Variants in KIAA1217 observed in about 807,000 individuals in gnomAD.
KIAA1217 encodes sickle tail protein homolog.
KIAA1217 carries 88 observed loss-of-function variants against 163.9 expected under a neutral mutation model. The ratio of observed to expected loss-of-function variants is 0.54; its 90% CI spans 0.45 to 0.64. The LOEUF is 0.64. Ranked by LOEUF, KIAA1217 falls within the 30% of genes least tolerant of loss-of-function variation. The pLI is 0.00. For synonymous variants in KIAA1217, 903 were observed against 923.1 expected, an observed-to-expected ratio of 0.98 and a Z score of 0.39; for missense variants, 2,372 against 2,475.0, an observed-to-expected ratio of 0.96 and a Z score of 0.88.
intron 2 of KIAA1217, among the ~76,000 whole-genome samples, chr10:24,265,397 T>C (rs2076141004): frequency 6.6e-6 from 1 of 152,210 alleles, no homozygotes; most frequent in South Asian, 2.1e-4. Flanking sequence ...GTGACTTTCA[T>C]CCTCCTCTTA....
chr10:23,888,187 A>AC (rs889198750), intron 1 of KIAA1217, among the ~76,000 whole-genome samples: 13 of 152,020 alleles, frequency 8.6e-5, no homozygotes, highest in Non-Finnish European at 1.6e-4. Flanking sequence ...TTACTAAACT[A>AC]CCTCTGTGAC....
chr10:23,698,771 C>T (rs1479074246), intron 1 of KIAA1217, among the ~76,000 whole-genome samples: 3 of 152,202 alleles, frequency 2.0e-5, no homozygotes, highest in East Asian at 3.9e-4. Flanking sequence ...GGCAGTCTAA[C>T]GGATCGGCTA....
chr10:23,951,479 C>T (rs899708734), intron 1 of KIAA1217, among the ~76,000 whole-genome samples: 1 of 152,178 alleles, frequency 6.6e-6, no homozygotes, highest in African/African-American at 2.4e-5. Context: ...CATGGCAAAA[C>T]GCTTTCTCTA....
intron 2 of KIAA1217, among the ~76,000 whole-genome samples, chr10:24,155,255 G>T (rs1163083505): frequency 6.6e-6 from 1 of 152,120 alleles, no homozygotes; most frequent in Non-Finnish European, 1.5e-5. Context: ...ACAAATGGCT[G>T]TCCGTAACTG....
At chr10:23,867,258 C>T (rs1588978924) in intron 1 of KIAA1217, among the ~76,000 whole-genome samples, 1 of 152,112 alleles carries the variant, frequency 6.6e-6, no homozygotes, top group East Asian at 1.9e-4. Context: ...CATTATTGGA[C>T]ATTTGGGTTG....
chr10:23,838,724 G>C (rs780666292), intron 1 of KIAA1217, among the ~76,000 whole-genome samples: 6 of 152,188 alleles, frequency 3.9e-5, no homozygotes, highest in Non-Finnish European at 5.9e-5. Flanking sequence ...GCCTCCCAAA[G>C]TGTTGGGATA....
chr10:24,370,537 A>C (rs1446696799), intron 2 of KIAA1217, among the ~76,000 whole-genome samples: 2 of 152,192 alleles, frequency 1.3e-5, no homozygotes, highest in Non-Finnish European at 2.9e-5. Flanking sequence ...ACTGATCAGC[A>C]TAGTAGGCAG....
Position 23,940,966 on chromosome 10 carries a change from A to T in KIAA1217, c.-320-66259A>T, listed in dbSNP as rs117158892. Among the ~76,000 whole-genome samples the T allele has an allele frequency of 3.0e-4, 45 of 152,342 alleles. No homozygotes were observed. In the East Asian group the frequency reaches 7.9e-3, roughly 27 times the overall value. On this transcript the variant is annotated intron_variant, in intron 1 of 18. Coordinates refer to the KIAA1217 transcript ENST00000376462. ...TGACTGTGCCAAACTAAATGAAACA[A>T]TCAAAACCTAATGCTTCTGAACCTT...
intron 2 of KIAA1217, among the ~76,000 whole-genome samples, chr10:24,269,210 T>TAAAA (rs59746609): frequency 3.4e-5 from 3 of 87,048 alleles, no homozygotes; most frequent in Admixed American, 1.3e-4. Context: ...AAAGTATAAT[T>TAAAA]AAAAAAAAAA....
At chr10:24,099,892 G>C (rs558051003) in intron 2 of KIAA1217, among the ~76,000 whole-genome samples, 23 of 151,938 alleles carry the variant, frequency 1.5e-4, no homozygotes. Context: ...TACTAGTTTT[G>C]CCACTGCAGA....
chr10:23,905,876 T>C (rs375611024), intron 1 of KIAA1217, among the ~76,000 whole-genome samples: 3 of 152,170 alleles, frequency 2.0e-5, no homozygotes, highest in African/African-American at 7.2e-5. Flanking sequence ...TGTGCTGTTA[T>C]AAGAAAATAC....
chr10:23,848,424 C>T (rs1839145515), intron 1 of KIAA1217, among the ~76,000 whole-genome samples: 1 of 151,890 alleles, frequency 6.6e-6, no homozygotes, highest in African/African-American at 2.4e-5. Context: ...GAACCCTTTA[C>T]CATTATATAA....
intron 2 of KIAA1217, among the ~76,000 whole-genome samples, chr10:24,160,868 T>C (rs2065088052): frequency 6.6e-6 from 1 of 152,252 alleles, no homozygotes; most frequent in South Asian, 2.1e-4. Context: ...TTCCTGACTT[T>C]GCTGTGGCTA....
intron 1 of KIAA1217, among the ~76,000 whole-genome samples, chr10:23,929,142 A>G (rs1351720345): frequency 6.6e-6 from 1 of 152,146 alleles, no homozygotes; most frequent in Non-Finnish European, 1.5e-5. Flanking sequence ...AATGTTTATT[A>G]TTATTATTTT....
intron 2 of KIAA1217, among the ~76,000 whole-genome samples, chr10:24,051,421 T>C (rs1849500474): frequency 6.6e-6 from 1 of 152,174 alleles, no homozygotes; most frequent in Non-Finnish European, 1.5e-5. Flanking sequence ...GGTAGATACC[T>C]AGTAATAGGA....
chr10:24,422,182 A>G (rs1175758908), intron 3 of KIAA1217, among the ~76,000 whole-genome samples: 1 of 152,144 alleles, frequency 6.6e-6, no homozygotes, highest in African/African-American at 2.4e-5. Flanking sequence ...ACCCACCCCC[A>G]TGATTCAGTT....
At chr10:24,249,079 T>A (rs1326515067) in intron 2 of KIAA1217, among the ~76,000 whole-genome samples, 2 of 152,246 alleles carry the variant, frequency 1.3e-5, no homozygotes, top group East Asian at 3.8e-4. Flanking sequence ...TACATTCTCT[T>A]AGCACAAATC....
chr10:24,227,306 C>T (rs192224857), intron 2 of KIAA1217, among the ~76,000 whole-genome samples: 2,047 of 150,742 alleles, frequency 0.014, 31 homozygotes, highest in African/African-American at 0.038. Flanking sequence ...TACAGGGGTC[C>T]GCCACCACAC....
chr10:24,384,062 G>A (rs1253936174), intron 3 of KIAA1217, among the ~76,000 whole-genome samples: 1 of 152,182 alleles, frequency 6.6e-6, no homozygotes, highest in Non-Finnish European at 1.5e-5. Flanking sequence ...GCACCTGGGT[G>A]GCCCAGAAGC....
Sources: gnomAD v4.1 joint callset for allele counts (sites outside exome capture counted in the v4.1 genomes callset) on GRCh38, gnomAD v4.1.1 for gene constraint, MANE v1.5 for transcripts, NCBI Gene and HGNC (gene_info 2026-07-23, HGNC 2026-07-21) for gene names.